The following RYR3 variants were observed in gnomAD, a reference collection of about 807,000 sequenced individuals.
RYR3 encodes the protein ryanodine receptor 3.
In RYR3, 207 loss-of-function variants were observed where a neutral mutation model predicts 584.3. That is an observed-to-expected ratio of 0.35 (90% confidence interval 0.32 to 0.40). The LOEUF (loss-of-function observed/expected upper bound fraction) is 0.40. Ranked by LOEUF, RYR3 falls within the 10% of genes least tolerant of loss-of-function variation. The pLI, the probability that RYR3 is intolerant of heterozygous loss-of-function variation, is 1.00. For missense variants in RYR3, 5,616 were observed against 6,089.2 expected (o/e 0.92, Z 2.59); for synonymous variants, 2,416 against 2,248.5 (o/e 1.07, Z -2.11).
intron 10 of RYR3, among the ~76,000 whole-genome samples, chr15:33,561,880 C>T (rs188098684): frequency 1.3e-5 from 2 of 148,368 alleles, no homozygotes; most frequent in Non-Finnish European, 3.0e-5. Flanking sequence ...GCCTGGGTGA[C>T]AGAGTGAGAC....
intron 36 of RYR3, among the ~76,000 whole-genome samples, chr15:33,666,747 T>C (rs2063513359): frequency 6.6e-6 from 1 of 152,180 alleles, no homozygotes. Flanking sequence ...CTGAGATTAG[T>C]CCAAGGGTTG....
chr15:33,408,002 T>G (rs1339701392), intron 1 of RYR3, among the ~76,000 whole-genome samples: 1 of 108,798 alleles, frequency 9.2e-6, no homozygotes, highest in African/African-American at 3.7e-5. Context: ...ATATCCCAGT[T>G]AAACTTGAAT....
At position 33,865,815 on chromosome 15, in the gene RYR3, G is replaced by C. The variant is rs1452639826; in HGVS notation, c.*589G>C. 6.6e-6 allele frequency: 1 copy of C among 152,666 alleles called. No homozygotes were observed. The highest frequency in any genetic ancestry group is 2.4e-5 in the African/African-American group (1 of 41,426). The allele number at this position is 152,666 out of a possible 1,614,324, so 9.5% of individuals were successfully genotyped here. On this transcript the variant is annotated 3_prime_UTR_variant, in exon 104 of 104. Transcript: ENST00000634891. ...AGACATAGCTATGCAAGTTTTTTAT[G>C]TTTGTGTTCCAGAAGGACAGTTCCA... is the stretch of plus-strand genomic sequence containing the variant.
At chr15:33,513,611 G>C (rs1317986471) in intron 3 of RYR3, among the ~76,000 whole-genome samples, 1 of 152,210 alleles carries the variant, frequency 6.6e-6, no homozygotes, top group Non-Finnish European at 1.5e-5. Context: ...GTTTCCTGCT[G>C]TGGGTACTGC....
At chr15:33,612,454 G>A (rs1180431772) in intron 18 of RYR3, among the ~76,000 whole-genome samples, 1 of 152,152 alleles carries the variant, frequency 6.6e-6, no homozygotes, top group Admixed American at 6.5e-5. Flanking sequence ...TCTGCCTCCC[G>A]GGTTCAAACG....
chr15:33,581,550 G>C lies in RYR3; in HGVS notation c.1480G>C (p.Val494Leu). 1 of 1,613,446 alleles carries C rather than the reference G, an allele frequency of 6.2e-7. No homozygotes were observed. Among genetic ancestry groups the C allele is most frequent in the Non-Finnish European group, 8.5e-7 (1 of 1,179,506 alleles). The change falls in exon 14 of 104, where the codon GTC becomes CTC. Residue 494 changes from valine (V) to leucine (L), a missense_variant. Coordinates refer to ENST00000634891, the MANE Select transcript of RYR3 (RefSeq NM_001036.6). ...CTTAAATTGCATTGACCGCTTAAATGTCTACAATAGCGTAGCACACTTTGC... is the reference window on the plus strand; with the variant it reads ...CTTAAATTGCATTGACCGCTTAAATCTCTACAATAGCGTAGCACACTTTGC... ...LVLNCIDRLN[V>L]YNSVAHFAGI...
intron 65 of RYR3, among the ~76,000 whole-genome samples, chr15:33,781,637 C>T (rs1014711878): frequency 1.3e-5 from 2 of 152,128 alleles, no homozygotes; most frequent in Non-Finnish European, 2.9e-5. Flanking sequence ...CATTGCCCCC[C>T]AGAAATGATC....
intron 43 of RYR3, among the ~76,000 whole-genome samples, chr15:33,711,186 C>T (rs1029594148): frequency 4.6e-5 from 7 of 150,544 alleles, no homozygotes; most frequent in Non-Finnish European, 1.0e-4. Flanking sequence ...TATTCATTTT[C>T]ACATCTGAAC....
chr15:33,554,953 C>T (rs2056968998), intron 10 of RYR3, among the ~76,000 whole-genome samples: 1 of 152,072 alleles, frequency 6.6e-6, no homozygotes, highest in African/African-American at 2.4e-5. Flanking sequence ...TTTAGAAGTG[C>T]TTTAAATAGC....
chr15:33,579,082 G>T (rs1686616126), intron 12 of RYR3, among the ~76,000 whole-genome samples: 1 of 152,182 alleles, frequency 6.6e-6, no homozygotes, highest in Admixed American at 6.5e-5. Context: ...ACAACAGGGA[G>T]AGAGAGATGG....
intron 1 of RYR3, among the ~76,000 whole-genome samples, chr15:33,392,144 T>G (rs749378315): frequency 6.6e-6 from 1 of 151,168 alleles, no homozygotes; most frequent in Non-Finnish European, 1.5e-5. Flanking sequence ...GTGTCCATCT[T>G]CTTAATTGTT....
Position 33,390,896 on chromosome 15 carries a change from G to T in RYR3, c.51+79800G>T, listed in dbSNP as rs1372729285. ...GTTGCTGGAGAAAGGAACATGCTCA[G>T]TTGTGTCCCATCACAGGAGGGAATG... On this transcript the variant is annotated intron_variant, in intron 1 of 103. Coordinates refer to ENST00000634891, the MANE Select transcript of RYR3 (RefSeq NM_001036.6). The surrounding 1 kb of genome is among the most constrained non-coding windows in gnomAD (Gnocchi z 4.2). 6.6e-6 allele frequency among the ~76,000 whole-genome samples: 1 copy of T among 152,196 alleles called. No individual in the cohort carries two copies.
intron 32 of RYR3, among the ~76,000 whole-genome samples, chr15:33,653,282 A>G (rs978675406): frequency 6.6e-6 from 1 of 152,256 alleles, no homozygotes; most frequent in Non-Finnish European, 1.5e-5. Flanking sequence ...TGTACTCAAA[A>G]TAGAAACCTA....
At chr15:33,674,364 C>T (rs1238739835) in intron 38 of RYR3, among the ~76,000 whole-genome samples, 1 of 152,178 alleles carries the variant, frequency 6.6e-6, no homozygotes, top group Non-Finnish European at 1.5e-5. Context: ...ACACAAACAC[C>T]TCCTCTGTGA....
chr15:33,659,920 C>T (rs1284274948), intron 33 of RYR3, 114 bp downstream of exon 33: 16 of 733,366 alleles, frequency 2.2e-5, no homozygotes, highest in Non-Finnish European at 7.0e-6. Context: ...TCCCATAAGC[C>T]CCCCACCCCC....
intron 1 of RYR3, among the ~76,000 whole-genome samples, chr15:33,448,497 A>C (rs2046850740): frequency 6.6e-6 from 1 of 152,198 alleles, no homozygotes; most frequent in South Asian, 2.1e-4. Context: ...GGCATTTCTG[A>C]AGAGAAAAAC....
chr15:33,358,523 C>T (rs1974299780), intron 1 of RYR3, among the ~76,000 whole-genome samples: 1 of 152,162 alleles, frequency 6.6e-6, no homozygotes, highest in Admixed American at 6.5e-5. Flanking sequence ...TGTGAAAAGG[C>T]TGCAGAGACG....
intron 65 of RYR3, among the ~76,000 whole-genome samples, chr15:33,780,964 A>G (rs1372832708): frequency 2.0e-5 from 3 of 152,192 alleles, no homozygotes; most frequent in African/African-American, 7.2e-5. Context: ...TTTGAACACA[A>G]CCACACCTAC....
intron 18 of RYR3, among the ~76,000 whole-genome samples, chr15:33,603,947 T>G (rs990213265): frequency 1.3e-5 from 2 of 152,216 alleles, no homozygotes; most frequent in African/African-American, 4.8e-5. Context: ...GGCTTCCTTT[T>G]TTTAGATAAA....
Sources: allele counts gnomAD v4.1 joint callset (sites outside exome capture counted in the v4.1 genomes callset), GRCh38; gene constraint gnomAD v4.1.1; non-coding constraint Gnocchi (gnomAD v3.1); transcripts MANE v1.5; gene names NCBI Gene and HGNC (gene_info 2026-07-23, HGNC 2026-07-21).